MIPOL1: variants seen among roughly 807,000 people sequenced by gnomAD.
MIPOL1 encodes mirror-image polydactyly gene 1 protein.
A neutral mutation model predicts 60.9 loss-of-function variants in MIPOL1; 57 were observed. The observed-to-expected ratio is 0.94, with a 90% CI of 0.76 to 1.17. The LOEUF (loss-of-function observed/expected upper bound fraction) is 1.17, where lower values mean the gene tolerates loss of function less well. Among genes scored for constraint, MIPOL1 ranks in the 50% most tolerant of loss-of-function variants. The pLI, the probability that MIPOL1 is intolerant of heterozygous loss-of-function variation, is 0.00. For missense variants in MIPOL1, 551 were observed against 511.6 expected, an observed-to-expected ratio of 1.08 and a Z score of -0.74; for synonymous variants, 179 against 168.8, an observed-to-expected ratio of 1.06 and a Z score of -0.47.
intron 10 of MIPOL1, among the ~76,000 whole-genome samples, chr14:37,382,214 G>T (rs1331064531): frequency 6.6e-6 from 1 of 152,006 alleles, no homozygotes; most frequent in East Asian, 1.9e-4. Context: ...TGGAATAAGT[G>T]ATATATTAAA....
At chr14:37,538,978 G>A (rs561419732) in intron 12 of MIPOL1, among the ~76,000 whole-genome samples, 13 of 152,018 alleles carry the variant, frequency 8.6e-5, no homozygotes, top group African/African-American at 2.9e-4. Flanking sequence ...CGAGGCAGGC[G>A]GATCACGAGG....
At chr14:37,520,926 C>CTTTTTT (rs11299536) in intron 12 of MIPOL1, among the ~76,000 whole-genome samples, 1 of 47,722 alleles carries the variant, frequency 2.1e-5, no homozygotes, top group Non-Finnish European at 3.4e-5. Flanking sequence ...TAACATTTTA[C>CTTTTTT]TTTTTTTTTT....
At chr14:37,225,410 G>A (rs1969539531) in intron 1 of MIPOL1, among the ~76,000 whole-genome samples, 1 of 152,156 alleles carries the variant, frequency 6.6e-6, no homozygotes, top group South Asian at 2.1e-4. Context: ...CTGAAATCTA[G>A]GCAGAGGTTC....
At chr14:37,535,628 T>C (rs1566788871) in intron 12 of MIPOL1, among the ~76,000 whole-genome samples, 1 of 152,178 alleles carries the variant, frequency 6.6e-6, no homozygotes, top group Admixed American at 6.5e-5. Flanking sequence ...TGAAAACTCC[T>C]TTTATAATCC....
intron 10 of MIPOL1, among the ~76,000 whole-genome samples, chr14:37,408,892 A>C (rs1342728813): frequency 6.6e-6 from 1 of 152,188 alleles, no homozygotes; most frequent in Non-Finnish European, 1.5e-5. Context: ...AAATGTGTAA[A>C]GATTTTACTT....
At chr14:37,464,595 G>A (rs1451322218) in intron 11 of MIPOL1, among the ~76,000 whole-genome samples, 1 of 152,128 alleles carries the variant, frequency 6.6e-6, no homozygotes, top group African/African-American at 2.4e-5. Flanking sequence ...GGGGTAGGAG[G>A]AAGAAGGAGG....
In MIPOL1 at chr14:37,403,473, G is replaced by A. The variant is rs556439704; in HGVS notation, c.937-19382G>A. 4.2e-5 allele frequency among the ~76,000 whole-genome samples: 5 copies of A among 117,778 alleles called. No individual in the cohort carries two copies. The South Asian group carries it at 8.2e-4, about 19-fold the overall frequency. The allele number at this position is 117,778 out of a possible 152,430, so 77.3% of individuals were successfully genotyped here. ...TTTTTTCAAGTAGAGATGGAGTCTC[G>A]CTGTCTTGCAGAGTCTGGTTTTGAA... On this transcript the variant is annotated intron_variant, in intron 10 of 12. Transcript: ENST00000684589.
At chr14:37,324,004 T>C (rs1268733409) in intron 9 of MIPOL1, among the ~76,000 whole-genome samples, 1 of 152,102 alleles carries the variant, frequency 6.6e-6, no homozygotes, top group African/African-American at 2.4e-5. Context: ...TTATCTATTA[T>C]GATTAAGACT....
intron 12 of MIPOL1, chr14:37,507,120 G>C (rs1426510588): frequency 6.6e-6 from 1 of 152,082 alleles, no homozygotes; most frequent in Non-Finnish European, 1.5e-5. Context: ...AGCTGGAGAG[G>C]ATGTGGAGAA....
At chr14:37,248,924 G>A (rs1445353146) in intron 3 of MIPOL1, among the ~76,000 whole-genome samples, 1 of 152,106 alleles carries the variant, frequency 6.6e-6, no homozygotes, top group Non-Finnish European at 1.5e-5. Flanking sequence ...GAATTGGAAA[G>A]ACTGTCTGAA....
intron 12 of MIPOL1, among the ~76,000 whole-genome samples, chr14:37,516,187 A>G (rs554304073): frequency 6.6e-6 from 1 of 152,330 alleles, no homozygotes; most frequent in African/African-American, 2.4e-5. Context: ...AGATTTAATA[A>G]CGTAAAGATG....
chr14:37,246,921 T>G (rs1973283604), intron 1 of MIPOL1, among the ~76,000 whole-genome samples, 182 bp from the exon 2 acceptor site: 1 of 152,094 alleles, frequency 6.6e-6, no homozygotes. Flanking sequence ...CATTAAGGCC[T>G]GTAAGACATG....
chr14:37,540,640 C>T (rs2095526067), intron 12 of MIPOL1, among the ~76,000 whole-genome samples: 1 of 152,166 alleles, frequency 6.6e-6, no homozygotes, highest in Non-Finnish European at 1.5e-5. Context: ...TTTGTCCTTA[C>T]ACCTCAGCTC....
chr14:37,250,911 G>C (rs950885206), intron 3 of MIPOL1, among the ~76,000 whole-genome samples: 1 of 152,078 alleles, frequency 6.6e-6, no homozygotes, highest in Non-Finnish European at 1.5e-5. Flanking sequence ...AATATTTTAA[G>C]TCAAAGAGTT....
At chr14:37,274,760 A>G (rs1046328837) in intron 6 of MIPOL1, among the ~76,000 whole-genome samples, 1 of 151,304 alleles carries the variant, frequency 6.6e-6, no homozygotes, top group African/African-American at 2.4e-5. Context: ...CTTAAGTGAG[A>G]TAATGTTTAC....
intron 9 of MIPOL1, among the ~76,000 whole-genome samples, chr14:37,337,005 T>C (rs1196459197): frequency 6.6e-6 from 1 of 151,892 alleles, no homozygotes; most frequent in Non-Finnish European, 1.5e-5. Flanking sequence ...TCAAGTTATC[T>C]GCCTGCTTCT....
At chr14:37,202,851 T>C (rs1236829702) in intron 1 of MIPOL1, among the ~76,000 whole-genome samples, 19 of 152,232 alleles carry the variant, frequency 1.2e-4, no homozygotes, top group Admixed American at 1.2e-3. Context: ...TTAGATACTT[T>C]ATTTAGGTTA....
At chr14:37,422,773 A>C in intron 10 of MIPOL1, 82 bp from the exon 11 acceptor site, 1 of 828,546 alleles carries the variant, frequency 1.2e-6, no homozygotes, top group Non-Finnish European at 1.9e-6. Context: ...TCAGTAATTT[A>C]AGACTACTGT....
chr14:37,407,756 A>G (rs2153536010), intron 10 of MIPOL1, among the ~76,000 whole-genome samples: 1 of 150,916 alleles, frequency 6.6e-6, no homozygotes, highest in South Asian at 2.1e-4. Flanking sequence ...ACCTTGTACT[A>G]TTCTTAATCA....
Sources: gnomAD v4.1 joint callset for allele counts (sites outside exome capture counted in the v4.1 genomes callset) on GRCh38, gnomAD v4.1.1 for gene constraint, MANE v1.5 for transcripts, NCBI Gene and HGNC (gene_info 2026-07-23, HGNC 2026-07-21) for gene names.